The following CLEC16A variants were observed in gnomAD, a reference collection of about 807,000 sequenced individuals.
CLEC16A encodes C-type lectin domain containing 16A.
CLEC16A carries 51 observed loss-of-function variants against 109.5 expected under a neutral mutation model. The observed-to-expected ratio is 0.47, with a 90% CI of 0.37 to 0.59. The LOEUF (loss-of-function observed/expected upper bound fraction) is 0.59, where lower values mean the gene tolerates loss of function less well. CLEC16A is among the 20% of genes least tolerant of loss of function. CLEC16A has a pLI of 0.00. For synonymous variants in CLEC16A, 673 were observed against 564.2 expected, an observed-to-expected ratio of 1.19 and a Z score of -2.73; for missense variants, 1,339 against 1,394.0, an observed-to-expected ratio of 0.96 and a Z score of 0.63.
intron 19 of CLEC16A, among the ~76,000 whole-genome samples, chr16:11,073,334 C>G (rs1190379438): frequency 6.6e-6 from 1 of 152,206 alleles, no homozygotes; most frequent in Non-Finnish European, 1.5e-5. Flanking sequence ...TGGAATCACT[C>G]CCAACCCTCC....
At chr16:11,012,843 G>A (rs1199446708) in intron 11 of CLEC16A, among the ~76,000 whole-genome samples, 1 of 152,128 alleles carries the variant, frequency 6.6e-6, no homozygotes, top group Admixed American at 6.5e-5. Flanking sequence ...TCATGCATTT[G>A]TATTATCGTC....
intron 22 of CLEC16A, among the ~76,000 whole-genome samples, chr16:11,145,381 A>G (rs1209099032): frequency 6.6e-6 from 1 of 152,206 alleles, no homozygotes; most frequent in African/African-American, 2.4e-5. Context: ...AAATCCACCC[A>G]TTAGTCCAGG....
chr16:11,013,136 C>T (rs1323837836), intron 11 of CLEC16A, among the ~76,000 whole-genome samples: 2 of 152,220 alleles, frequency 1.3e-5, no homozygotes, highest in Non-Finnish European at 2.9e-5. Context: ...ATGGCGAGAA[C>T]ATGCAGACTC....
At chr16:11,142,507 T>G (rs1414772095) in intron 22 of CLEC16A, among the ~76,000 whole-genome samples, 1 of 152,244 alleles carries the variant, frequency 6.6e-6, no homozygotes, top group Non-Finnish European at 1.5e-5. Flanking sequence ...TTTCTCCTGC[T>G]TTTCACAGCC....
rs201455150 is a variant in CLEC16A, at chr16:11,178,852, G to T, written c.*162G>T. The T allele has an allele frequency of 1.4e-5, 8 of 569,988 alleles. No individual in the cohort carries two copies. Among genetic ancestry groups the T allele is most frequent in the African/African-American group, 9.5e-5 (5 of 52,882 alleles). The allele number at this position is 569,988 out of a possible 1,614,324, so 35.3% of individuals were successfully genotyped here. On this transcript the variant is annotated 3_prime_UTR_variant, in exon 24 of 24. Coordinates refer to ENST00000409790, the MANE Select transcript of CLEC16A (RefSeq NM_015226.3). The surrounding 1 kb of genome is among the most constrained non-coding windows in gnomAD (Gnocchi z 6.5). ...TCCCTTGAATGGGAAGAAGCCCCAC[G>T]TTGTCCTTGAATTCCTTTTTCACTT... is the stretch of plus-strand genomic sequence containing the variant.
chr16:11,120,640 A>G lies in CLEC16A; in HGVS notation c.2142A>G (p.Thr714=), dbSNP rs1255021119. Residue 714 remains threonine (T), a synonymous_variant, in exon 20 of 24, where the codon ACA becomes ACG. Coordinates refer to ENST00000409790, the MANE Select transcript of CLEC16A (RefSeq NM_015226.3). ...DLNNSDLIAC[T]VITKDGGMVQ... ...ATAACAGCGACTTGATTGCATGTAC[A>G]GTGATCACCAAGGATGGCGGCATGG... 2 of 1,613,014 alleles carry G rather than the reference A, an allele frequency of 1.2e-6. No homozygotes were observed. The highest frequency in any genetic ancestry group is 1.7e-5 in the Admixed American group (1 of 59,928).
chr16:11,029,419 A>G (rs1376737110), intron 13 of CLEC16A, among the ~76,000 whole-genome samples: 1 of 152,124 alleles, frequency 6.6e-6, no homozygotes, highest in Non-Finnish European at 1.5e-5. Flanking sequence ...CTCTTCATTT[A>G]TCTTGTCCAT....
At chr16:11,068,820 T>G (rs1156894652) in intron 19 of CLEC16A, among the ~76,000 whole-genome samples, 3 of 152,050 alleles carry the variant, frequency 2.0e-5, no homozygotes, top group Non-Finnish European at 4.4e-5. Context: ...TTTTTAAAAT[T>G]TATTTATTTT....
chr16:11,010,227 G>C (rs2045318238), intron 11 of CLEC16A, among the ~76,000 whole-genome samples: 1 of 151,292 alleles, frequency 6.6e-6, no homozygotes, highest in Non-Finnish European at 1.5e-5. Context: ...GGTGGGTGGG[G>C]GAGCCTGCAT....
intron 11 of CLEC16A, among the ~76,000 whole-genome samples, chr16:11,019,334 G>A (rs551326729): frequency 1.3e-5 from 2 of 152,286 alleles, no homozygotes; most frequent in African/African-American, 4.8e-5. Flanking sequence ...TGCACACCAT[G>A]CTTAAGCTGA....
intron 17 of CLEC16A, among the ~76,000 whole-genome samples, chr16:11,049,076 C>A (rs145360942): frequency 6.6e-6 from 1 of 151,808 alleles, no homozygotes; most frequent in African/African-American, 2.4e-5. Context: ...AGTGCGTTCT[C>A]GGCTCACTGC....
chr16:10,967,435 T>G (rs2042566444), intron 3 of CLEC16A, among the ~76,000 whole-genome samples: 1 of 152,228 alleles, frequency 6.6e-6, no homozygotes, highest in African/African-American at 2.4e-5. Context: ...GGTCTCACCC[T>G]GTCGCCTAGG....
chr16:10,960,322 T>C (rs1181720335), intron 2 of CLEC16A, among the ~76,000 whole-genome samples: 2 of 152,236 alleles, frequency 1.3e-5, no homozygotes, highest in African/African-American at 2.4e-5. Context: ...GACTCTTTTT[T>C]AGTCTTCCAT....
intron 7 of CLEC16A, among the ~76,000 whole-genome samples, chr16:10,974,169 A>G (rs1411364050): frequency 6.6e-6 from 1 of 151,922 alleles, no homozygotes; most frequent in African/African-American, 2.4e-5. Context: ...AAGTGCTAGG[A>G]TTACAGGTGT....
chr16:11,094,394 G>A (rs564414515), intron 19 of CLEC16A, among the ~76,000 whole-genome samples: 18 of 152,306 alleles, frequency 1.2e-4, no homozygotes, highest in African/African-American at 3.6e-4. Context: ...AGCCAGAGCC[G>A]GCTTCATCTA....
Position 10,977,365 on chromosome 16 carries a change from C to T in CLEC16A, c.869C>T (p.Pro290Leu), listed in dbSNP as rs2043079048. ...TDHLLNRLFL[P>L]LYVYSLENQD... ...CACCTGCTCAACAGGCTCTTCCTGC[C>T]CCTCTACGTGTACTCACTGGAGAAC... Residue 290 changes from proline (P) to leucine (L), a missense_variant, in exon 8 of 24, where the codon CCC becomes CTC. Coordinates refer to ENST00000409790, the MANE Select transcript of CLEC16A (RefSeq NM_015226.3). The T allele has an allele frequency of 1.2e-6, 2 of 1,613,890 alleles. No homozygotes were observed. Among genetic ancestry groups the T allele is most frequent in the Non-Finnish European group, 1.7e-6 (2 of 1,179,840 alleles).
intron 2 of CLEC16A, among the ~76,000 whole-genome samples, chr16:10,959,505 C>T (rs2042154707): frequency 6.6e-6 from 1 of 152,178 alleles, no homozygotes; most frequent in Non-Finnish European, 1.5e-5. Context: ...AATTCTCCTA[C>T]CTCAGCCTCT....
At chr16:11,158,469 A>G (rs1341061442) in intron 22 of CLEC16A, among the ~76,000 whole-genome samples, 1 of 152,196 alleles carries the variant, frequency 6.6e-6, no homozygotes, top group Non-Finnish European at 1.5e-5. Context: ...CAAATCTTAG[A>G]GCTTTTTCCT....
rs1436807770 is a variant in CLEC16A at position 10,944,810 on chromosome 16, G to A, written c.80+13G>A. ...TGGACCACCTCAAGTGAGTGTGGGGGGCGTAGCGGGAGGCCTCGGGGCTGG... is the reference window on the plus strand; with the variant it reads ...TGGACCACCTCAAGTGAGTGTGGGGAGCGTAGCGGGAGGCCTCGGGGCTGG... On this transcript the variant is annotated intron_variant, in intron 1 of 23. Coordinates refer to ENST00000409790, the MANE Select transcript of CLEC16A (RefSeq NM_015226.3). 2.5e-6 allele frequency: 4 copies of A among 1,596,562 alleles called. No individual in the cohort carries two copies. Among genetic ancestry groups the A allele is most frequent in the South Asian group, 2.3e-5 (2 of 88,648 alleles).
Sources: allele counts gnomAD v4.1 joint callset (sites outside exome capture counted in the v4.1 genomes callset), GRCh38; gene constraint gnomAD v4.1.1; non-coding constraint Gnocchi (gnomAD v3.1); transcripts MANE v1.5; gene names NCBI Gene and HGNC (gene_info 2026-07-23, HGNC 2026-07-21).